ASIC2: variants seen among roughly 807,000 people sequenced by gnomAD.
ASIC2 encodes the protein acid-sensing ion channel 2.
In ASIC2, 25 loss-of-function variants were observed where a neutral mutation model predicts 57.3. That is an observed-to-expected ratio of 0.44 (90% CI 0.32 to 0.61). The LOEUF (loss-of-function observed/expected upper bound fraction) is 0.61. Among genes scored for constraint, ASIC2 ranks in the 20% least tolerant of loss-of-function variants. The pLI is 0.06. For synonymous variants in ASIC2, 319 were observed against 307.5 expected (o/e 1.04, Z -0.39); for missense variants, 641 against 738.1 (o/e 0.87, Z 1.52).
At chr17:33,604,845 T>C (rs975833954) in intron 1 of ASIC2, among the ~76,000 whole-genome samples, 13 of 152,022 alleles carry the variant, frequency 8.6e-5, no homozygotes, top group African/African-American at 3.1e-4. Flanking sequence ...CCCCTAAAAC[T>C]CGTTCTTTCC....
At chr17:33,801,159 CT>C in intron 1 of ASIC2, among the ~76,000 whole-genome samples, 1 of 152,266 alleles carries the variant, frequency 6.6e-6, no homozygotes, top group South Asian at 2.1e-4. Flanking sequence ...GTATCATTCA[CT>C]CACACCTCTG....
intron 1 of ASIC2, among the ~76,000 whole-genome samples, chr17:34,010,570 T>C (rs971035484): frequency 6.6e-6 from 1 of 152,150 alleles, no homozygotes; most frequent in Non-Finnish European, 1.5e-5. Flanking sequence ...TTTTTTCAAC[T>C]CTGACACATG....
intron 1 of ASIC2, among the ~76,000 whole-genome samples, chr17:33,985,000 G>T (rs915275315): frequency 6.6e-6 from 1 of 152,206 alleles, no homozygotes; most frequent in African/African-American, 2.4e-5. Flanking sequence ...AAAGAAAGTG[G>T]CATTTGGGGA....
intron 1 of ASIC2, among the ~76,000 whole-genome samples, chr17:33,870,415 C>T (rs1396811618): frequency 6.6e-6 from 1 of 151,464 alleles, no homozygotes; most frequent in African/African-American, 2.4e-5. Flanking sequence ...TAGAATTCCT[C>T]ATCACAGCCC....
At chr17:33,621,908 A>G (rs1905814173) in intron 1 of ASIC2, among the ~76,000 whole-genome samples, 2 of 152,138 alleles carry the variant, frequency 1.3e-5, no homozygotes, top group Admixed American at 1.3e-4. Flanking sequence ...AGTTGGGATG[A>G]TAATAGTACC....
At chr17:33,120,514 G>T (rs193183734) in intron 1 of ASIC2, among the ~76,000 whole-genome samples, 10 of 152,330 alleles carry the variant, frequency 6.6e-5, no homozygotes, top group African/African-American at 7.2e-5. Flanking sequence ...AAGGCTGAAG[G>T]CACTGCAGTC....
At chr17:33,352,909 A>C (rs1034260531) in intron 1 of ASIC2, among the ~76,000 whole-genome samples, 1 of 151,854 alleles carries the variant, frequency 6.6e-6, no homozygotes, top group Non-Finnish European at 1.5e-5. Context: ...ACCCTCCCTC[A>C]TTCTTCAAGG....
chr17:33,114,993 C>T (rs1347319920), intron 1 of ASIC2, among the ~76,000 whole-genome samples: 1 of 152,112 alleles, frequency 6.6e-6, no homozygotes, highest in Non-Finnish European at 1.5e-5. Context: ...GAATGGAAGC[C>T]TCATGAATTG....
chr17:33,502,682 A>T (rs1914137649), intron 1 of ASIC2, among the ~76,000 whole-genome samples: 1 of 152,218 alleles, frequency 6.6e-6, no homozygotes, highest in Non-Finnish European at 1.5e-5. Flanking sequence ...CCATGCCACC[A>T]AACAGCTCTA....
chr17:33,201,629 A>C (rs1014431298), intron 1 of ASIC2, among the ~76,000 whole-genome samples: 2 of 152,226 alleles, frequency 1.3e-5, no homozygotes, highest in African/African-American at 4.8e-5. Flanking sequence ...ACATGACTGC[A>C]GCCCTGCCTC....
At chr17:34,099,431 GAAGAA>G (rs752461094) in intron 1 of ASIC2, among the ~76,000 whole-genome samples, 28 of 118,008 alleles carry the variant, frequency 2.4e-4, no homozygotes, top group Middle Eastern at 5.5e-3. Context: ...ATGAAAGAAA[GAAGAA>G]AAGAAAGAGA....
chr17:33,520,277 G>T (rs1490545110), intron 1 of ASIC2, among the ~76,000 whole-genome samples: 1 of 152,182 alleles, frequency 6.6e-6, no homozygotes, highest in African/African-American at 2.4e-5. Context: ...ACAAGGATAC[G>T]GGACAGAAAG....
chr17:33,286,504 C>T (rs557979004), intron 1 of ASIC2, among the ~76,000 whole-genome samples: 2 of 152,300 alleles, frequency 1.3e-5, no homozygotes, highest in Non-Finnish European at 2.9e-5. Flanking sequence ...CTCAGCCCAG[C>T]TCCCATCTCA....
At chr17:33,959,097 A>G (rs1422378406) in intron 1 of ASIC2, among the ~76,000 whole-genome samples, 3 of 152,212 alleles carry the variant, frequency 2.0e-5, no homozygotes, top group Admixed American at 6.5e-5. Context: ...CCATAACGCT[A>G]TCAGTATTTT....
chr17:33,199,424 C>A (rs1402489364), intron 1 of ASIC2, among the ~76,000 whole-genome samples: 1 of 152,134 alleles, frequency 6.6e-6, no homozygotes, highest in Non-Finnish European at 1.5e-5. Flanking sequence ...GGGAGGTAAC[C>A]ACAGAGCAGG....
chr17:33,093,424 C>T (rs538624097), intron 2 of ASIC2, among the ~76,000 whole-genome samples: 17 of 151,430 alleles, frequency 1.1e-4, no homozygotes, highest in Admixed American at 6.6e-5. Context: ...GATTCAAGGA[C>T]AGAAAGAGAG....
intron 1 of ASIC2, among the ~76,000 whole-genome samples, chr17:34,103,809 T>C (rs570023839): frequency 6.6e-6 from 1 of 152,360 alleles, no homozygotes; most frequent in East Asian, 1.9e-4. Flanking sequence ...GCTGCAGTGA[T>C]TGATGTGTCT....
rs1908228281 is a variant in ASIC2, at chr17:33,234,680, G to T, written c.708+56728C>A. Among the ~76,000 whole-genome samples, 3 of 152,326 alleles carry T rather than the reference G, an allele frequency of 2.0e-5. No homozygotes were observed. In the South Asian group the frequency reaches 6.2e-4, roughly 32 times the overall value. ...GCACCAGCAGGTTGGAAGAGGGACT[G>T]CTTCCCATTTCCTAAATGGCATCTT... is the stretch of plus-strand genomic sequence containing the variant. On this transcript the variant is annotated intron_variant, in intron 1 of 9. Transcript: ENST00000225823.
intron 1 of ASIC2, among the ~76,000 whole-genome samples, chr17:34,094,735 G>A (rs571437839): frequency 6.6e-6 from 1 of 152,104 alleles, no homozygotes; most frequent in Non-Finnish European, 1.5e-5. Flanking sequence ...CTTTATCTAA[G>A]AGCACATTCA....
Sources: allele counts gnomAD v4.1 joint callset (sites outside exome capture counted in the v4.1 genomes callset), GRCh38; gene constraint gnomAD v4.1.1; transcripts MANE v1.5; gene names NCBI Gene and HGNC (gene_info 2026-07-23, HGNC 2026-07-21).